The following DCDC2C variants were observed in gnomAD, a reference collection of about 807,000 sequenced individuals.
The protein encoded by DCDC2C is doublecortin domain containing 2C, also known as doublecortin domain-containing protein 2C.
Under a neutral mutation model 45.0 loss-of-function variants are expected in DCDC2C, and 44 were observed. That is an observed-to-expected ratio of 0.98 (90% CI 0.77 to 1.26). The LOEUF (loss-of-function observed/expected upper bound fraction) is 1.26. DCDC2C is among the 50% of genes most tolerant of loss of function. DCDC2C has a pLI of 0.00. For missense variants in DCDC2C, 447 were observed against 468.9 expected, an observed-to-expected ratio of 0.95 and a Z score of 0.43; for synonymous variants, 187 against 178.8, an observed-to-expected ratio of 1.05 and a Z score of -0.37.
intron 9 of DCDC2C, among the ~76,000 whole-genome samples, chr2:3,779,471 A>G (rs530544969): frequency 5.9e-4 from 90 of 152,266 alleles, no homozygotes; most frequent in African/African-American, 2.1e-3. Context: ...AGATTATGCA[A>G]CTTATCGTCC....
chr2:3,783,612 A>T (rs1351346038), intron 9 of DCDC2C, among the ~76,000 whole-genome samples: 1 of 152,238 alleles, frequency 6.6e-6, no homozygotes, highest in Non-Finnish European at 1.5e-5. Context: ...AGTGCCTTTC[A>T]TATCACCTTG....
At chr2:3,824,469 C>T (rs1035178823) in intron 10 of DCDC2C, among the ~76,000 whole-genome samples, 1 of 152,164 alleles carries the variant, frequency 6.6e-6, no homozygotes, top group African/African-American at 2.4e-5. Flanking sequence ...GCTGTAGAGA[C>T]TGAGGTAAAC....
chr2:3,742,167 T>G, intron 4 of DCDC2C, 119 bp downstream of exon 4: 2 of 1,193,698 alleles, frequency 1.7e-6, no homozygotes, highest in Non-Finnish European at 2.2e-6. Context: ...ACTCTTAATT[T>G]TAATTCTTCA....
At chr2:3,777,416 A>C (rs561996082) in intron 8 of DCDC2C, among the ~76,000 whole-genome samples, 1 of 152,268 alleles carries the variant, frequency 6.6e-6, no homozygotes, top group South Asian at 2.1e-4. Flanking sequence ...ACTCACAATC[A>C]CTTGTGTCTT....
chr2:3,840,381 G>A (rs980939729), intron 10 of DCDC2C, among the ~76,000 whole-genome samples: 1 of 152,236 alleles, frequency 6.6e-6, no homozygotes, highest in Non-Finnish European at 1.5e-5. Context: ...CTATGAGGAA[G>A]AAGGGAAAGA....
chr2:3,830,128 A>G (rs985343418), intron 10 of DCDC2C, among the ~76,000 whole-genome samples: 3 of 152,228 alleles, frequency 2.0e-5, no homozygotes, highest in Non-Finnish European at 4.4e-5. Context: ...AGGAGAGCTG[A>G]CAGAAAACCC....
At chr2:3,762,755 G>A (rs1669914192) in intron 6 of DCDC2C, among the ~76,000 whole-genome samples, 1 of 152,156 alleles carries the variant, frequency 6.6e-6, no homozygotes. Context: ...TCAGATTTGG[G>A]CGGGGGACAA....
intron 3 of DCDC2C, among the ~76,000 whole-genome samples, chr2:3,730,548 G>GC (rs967785341): frequency 1.4e-4 from 22 of 152,012 alleles, no homozygotes; most frequent in Non-Finnish European, 2.5e-4. Flanking sequence ...GAAGAAGAGA[G>GC]CCCCCTGCTT....
intron 2 of DCDC2C, among the ~76,000 whole-genome samples, chr2:3,725,701 G>GAAGACGAGCA (rs1668646433): frequency 3.3e-5 from 5 of 151,260 alleles, no homozygotes; most frequent in East Asian, 1.9e-4. Flanking sequence ...GATCCCAGAG[G>GAAGACGAGCA]GAGATGAGCA....
At chr2:3,828,254 G>C (rs996940064) in intron 10 of DCDC2C, among the ~76,000 whole-genome samples, 4 of 152,338 alleles carry the variant, frequency 2.6e-5, no homozygotes, top group African/African-American at 9.6e-5. Flanking sequence ...TGTGCTTGGT[G>C]ACAAAGGTGA....
intron 4 of DCDC2C, chr2:3,752,475 T>C: frequency 2.5e-6 from 1 of 405,062 alleles, no homozygotes; most frequent in South Asian, 2.3e-5. Flanking sequence ...TTAAAATTAA[T>C]TGAACACTAA....
At chr2:3,725,671 AGTGAGGAGG>A (rs1668643221) in intron 2 of DCDC2C, among the ~76,000 whole-genome samples, 1 of 144,592 alleles carries the variant, frequency 6.9e-6, no homozygotes, top group Non-Finnish European at 1.5e-5. Context: ...ATGAGCAGAG[AGTGAGGAGG>A]CTGCCAGGTG....
intron 4 of DCDC2C, among the ~76,000 whole-genome samples, chr2:3,742,551 C>A (rs1669247528): frequency 6.6e-6 from 1 of 152,166 alleles, no homozygotes. Context: ...CAAATCTCCT[C>A]TCCGCCATCT....
intron 10 of DCDC2C, among the ~76,000 whole-genome samples, chr2:3,825,429 G>A (rs116211719): frequency 0.027 from 4,183 of 152,286 alleles, 90 homozygotes; most frequent in Middle Eastern, 0.082. Context: ...ACTCTCTGAT[G>A]GGTTCAAGAG....
At chr2:3,783,460 G>C (rs1670567367) in intron 9 of DCDC2C, among the ~76,000 whole-genome samples, 1 of 152,284 alleles carries the variant, frequency 6.6e-6, no homozygotes, top group East Asian at 1.9e-4. Context: ...ACCTCCACTA[G>C]TATTTTGTTT....
Position 3,729,273 on chromosome 2 carries a change from G to A in DCDC2C, c.416+2194G>A, listed in dbSNP as rs963017727. On this transcript the variant is annotated intron_variant, in intron 3 of 10. Transcript: ENST00000399143. Reference sequence around the variant, plus strand: ...TGGGAAGAGAAGAGCCCACCCCAGGGCTCCTCTGTGGGGAGGAGGCACGTT... The same window carrying A: ...TGGGAAGAGAAGAGCCCACCCCAGGACTCCTCTGTGGGGAGGAGGCACGTT... Among the ~76,000 whole-genome samples the A allele has an allele frequency of 7.9e-5, 12 of 152,334 alleles. No homozygotes were observed. In the East Asian group the frequency reaches 1.5e-3, roughly 20 times the overall value.
intron 1 of DCDC2C, 55 bp from the exon 2 acceptor site, chr2:3,708,494 C>G: frequency 7.1e-7 from 1 of 1,399,366 alleles, no homozygotes; most frequent in Non-Finnish European, 9.7e-7. Context: ...GAGTCTGGAA[C>G]TTTCTATGTA....
At chr2:3,743,022 A>G (rs1669260754) in intron 4 of DCDC2C, among the ~76,000 whole-genome samples, 1 of 152,192 alleles carries the variant, frequency 6.6e-6, no homozygotes, top group Admixed American at 6.5e-5. Context: ...CTTCAGCTTT[A>G]ACCATATGCA....
chr2:3,748,036 A>T (rs1048375761), intron 4 of DCDC2C, among the ~76,000 whole-genome samples: 1 of 152,152 alleles, frequency 6.6e-6, no homozygotes, highest in Admixed American at 6.5e-5. Flanking sequence ...TCAGGCACAC[A>T]GCCTTTGTGG....
Sources: allele counts gnomAD v4.1 joint callset (sites outside exome capture counted in the v4.1 genomes callset), GRCh38; gene constraint gnomAD v4.1.1; transcripts MANE v1.5; gene names NCBI Gene and HGNC (gene_info 2026-07-23, HGNC 2026-07-21).